TOX2: variants seen among roughly 807,000 people sequenced by gnomAD.
TOX2 encodes the protein granulosa cell HMG box 1.
TOX2 carries 15 observed loss-of-function variants against 47.4 expected under a neutral mutation model. That is an observed-to-expected ratio of 0.32 (90% CI 0.21 to 0.49). The LOEUF is 0.49. TOX2 is among the 20% of genes least tolerant of loss of function. The probability of loss-of-function intolerance (pLI) is 0.99; values close to 1 mark genes in which losing one functional copy is unlikely to be tolerated. For missense variants in TOX2, 622 were observed against 673.1 expected, an observed-to-expected ratio of 0.92 and a Z score of 0.84; for synonymous variants, 290 against 296.6, an observed-to-expected ratio of 0.98 and a Z score of 0.23.
At chr20:43,973,829 G>A (rs1284858359) in intron 2 of TOX2, among the ~76,000 whole-genome samples, 2 of 152,198 alleles carry the variant, frequency 1.3e-5, no homozygotes, top group African/African-American at 4.8e-5. Context: ...CCTTGCGTAG[G>A]CATGCATGGT....
chr20:43,957,371 T>G (rs774398054), intron 1 of TOX2, among the ~76,000 whole-genome samples: 1 of 152,256 alleles, frequency 6.6e-6, no homozygotes, highest in Non-Finnish European at 1.5e-5. Context: ...GTAGCTGTTA[T>G]AAGCGTGAGC....
intron 1 of TOX2, among the ~76,000 whole-genome samples, chr20:43,929,428 A>G (rs2069222924): frequency 6.6e-6 from 1 of 152,246 alleles, no homozygotes; most frequent in South Asian, 2.1e-4. Flanking sequence ...GTGATGAGCA[A>G]AGTCAGAGTC....
intron 1 of TOX2, among the ~76,000 whole-genome samples, chr20:43,943,443 T>C (rs2069425992): frequency 6.6e-6 from 1 of 152,186 alleles, no homozygotes; most frequent in Non-Finnish European, 1.5e-5. Context: ...CTTCTCCAAA[T>C]CTCGGCTTGA....
intron 3 of TOX2, among the ~76,000 whole-genome samples, chr20:44,034,189 TAC>T (rs1352520858): frequency 1.3e-5 from 2 of 151,924 alleles, no homozygotes; most frequent in Non-Finnish European, 2.9e-5. Context: ...TTGCTCCTGG[TAC>T]ACCCTCTGCA....
chr20:43,986,591 A>G (rs768240691), intron 2 of TOX2, among the ~76,000 whole-genome samples: 8 of 152,154 alleles, frequency 5.3e-5, no homozygotes, highest in Non-Finnish European at 8.8e-5. Flanking sequence ...TTTAAAATTT[A>G]TTAACATGGT....
At chr20:44,033,181 G>A (rs748379765) in intron 3 of TOX2, among the ~76,000 whole-genome samples, 63 of 152,240 alleles carry the variant, frequency 4.1e-4, no homozygotes, top group Non-Finnish European at 7.6e-4. Flanking sequence ...ACGAGGCTTC[G>A]GGGCCAGAGG....
chr20:43,952,089 G>T (rs1468076707), intron 1 of TOX2, among the ~76,000 whole-genome samples: 1 of 151,642 alleles, frequency 6.6e-6, no homozygotes, highest in Non-Finnish European at 1.5e-5. Flanking sequence ...TTTTAGTAGA[G>T]ATGGGGTTTC....
intron 1 of TOX2, among the ~76,000 whole-genome samples, chr20:43,945,399 G>A (rs1018743574): frequency 1.3e-5 from 2 of 152,174 alleles, no homozygotes; most frequent in Non-Finnish European, 2.9e-5. Context: ...CCTGGCTTTC[G>A]ACATTTAGCT....
intron 1 of TOX2, among the ~76,000 whole-genome samples, chr20:43,921,174 T>G (rs900420884): frequency 7.9e-5 from 12 of 152,192 alleles, no homozygotes; most frequent in Non-Finnish European, 1.3e-4. Flanking sequence ...GGACAGAGCC[T>G]GGCACACAGA....
chr20:43,916,541 G>GA lies in TOX2; in HGVS notation c.99+1552dup, dbSNP rs892341684. On this transcript the variant is annotated intron_variant, in intron 1 of 8. Coordinates refer to ENST00000341197, the MANE Select transcript of TOX2 (RefSeq NM_001098797.2). The surrounding 1 kb of genome is among the most constrained non-coding windows in gnomAD (Gnocchi z 5.0). The stretch of plus-strand genomic sequence containing the variant: ...GTGACCTGCAAAGTTAGAAGCCGAT[G>GA]AGGGGGGATGGTAGCCTCAGGAGAA... Among the ~76,000 whole-genome samples the GA allele has an allele frequency of 6.6e-6, 1 of 152,254 alleles. No homozygotes were observed. The highest frequency in any genetic ancestry group is 2.4e-5 in the African/African-American group (1 of 41,472).
At chr20:43,926,853 G>A (rs1022591202) in intron 1 of TOX2, among the ~76,000 whole-genome samples, 1 of 152,242 alleles carries the variant, frequency 6.6e-6, no homozygotes, top group South Asian at 2.1e-4. Flanking sequence ...CACGTGAGCT[G>A]TTCTCTTCTG....
chr20:43,942,622 G>C (rs8120445), intron 1 of TOX2, among the ~76,000 whole-genome samples: 1 of 152,154 alleles, frequency 6.6e-6, no homozygotes, highest in Non-Finnish European at 1.5e-5. Flanking sequence ...GGAATTCAAG[G>C]CTGCAGTAAG....
Position 44,039,138 on chromosome 20 carries a change from G to A in TOX2, c.412-12168G>A, listed in dbSNP as rs1041234199. ...ACTTGAGCAGATGCCGGGAGGCAACGTGTGGAGAGCTCTGCCAGAGGCTTG... is the reference window on the plus strand; with the variant it reads ...ACTTGAGCAGATGCCGGGAGGCAACATGTGGAGAGCTCTGCCAGAGGCTTG... On this transcript the variant is annotated intron_variant, in intron 3 of 8. Coordinates refer to ENST00000341197, the MANE Select transcript of TOX2 (RefSeq NM_001098797.2). The A allele has an allele frequency of 3.3e-5, 42 of 1,257,818 alleles. No individual in the cohort carries two copies. The East Asian group carries it at 6.7e-4, about 20-fold the overall frequency. The allele number at this position is 1,257,818 out of a possible 1,614,324, so 77.9% of individuals were successfully genotyped here. A position where few individuals can be genotyped will look rare whatever the true frequency, so the allele number is the denominator to read the frequency against.
rs758336563 is a variant in TOX2, at chr20:44,051,311, G to A, written c.417G>A (p.Gln139=). 1.4e-5 allele frequency: 23 copies of A among 1,606,656 alleles called. No individual in the cohort carries two copies. The highest frequency in any genetic ancestry group is 2.0e-5 in the Non-Finnish European group (23 of 1,174,734). The change falls in exon 4 of 9, where the codon CAG becomes CAA. Residue 139 remains glutamine (Q), a synonymous_variant. Coordinates refer to ENST00000341197, the MANE Select transcript of TOX2 (RefSeq NM_001098797.2). ...CTCCTGTCCTCCTCTCTTAGATCCAGGAGATGGTCCACTCGGAAGTGGCTG... is the reference window on the plus strand; with the variant it reads ...CTCCTGTCCTCCTCTCTTAGATCCAAGAGATGGTCCACTCGGAAGTGGCTG... The part of the protein sequence containing the change: ...HLLSGQLPTI[Q]EMVHSEVAAY...
At chr20:44,016,857 A>C (rs2070888370) in intron 3 of TOX2, among the ~76,000 whole-genome samples, 1 of 152,208 alleles carries the variant, frequency 6.6e-6, no homozygotes, top group South Asian at 2.1e-4. Context: ...CAACCATAAA[A>C]TTTAAAGGTG....
Position 44,054,372 on chromosome 20 carries a change from A to G in TOX2, c.725A>G (p.Asp242Gly). The change falls in exon 5 of 9, where the codon GAC becomes GGC. Residue 242 changes from aspartate (D) to glycine (G), a missense_variant. Transcript: ENST00000341197. ...AKNPKKKKKK[D>G]PNEPQKPVSA... is the part of the protein sequence containing the mutation. Reference sequence around the variant, plus strand: ...AACCCGAAGAAGAAGAAAAAGAAGGACCCCAATGAGCCGCAGAAGCCTGTG... The same window carrying G: ...AACCCGAAGAAGAAGAAAAAGAAGGGCCCCAATGAGCCGCAGAAGCCTGTG... 2 of 1,611,478 alleles carry G rather than the reference A, an allele frequency of 1.2e-6. No homozygotes were observed. The highest frequency in any genetic ancestry group is 1.7e-6 in the Non-Finnish European group (2 of 1,179,332).
chr20:44,007,402 A>C (rs1353785683), intron 3 of TOX2: 1 of 152,898 alleles, frequency 6.5e-6, no homozygotes, highest in Non-Finnish European at 1.5e-5. Context: ...GGGAGAGGGG[A>C]ACCACTAGGT....
chr20:44,027,460 T>G (rs1160673664), intron 3 of TOX2, among the ~76,000 whole-genome samples: 1 of 152,168 alleles, frequency 6.6e-6, no homozygotes, highest in Non-Finnish European at 1.5e-5. Flanking sequence ...CATCCCAGCT[T>G]AGGCCTCTCC....
At chr20:43,987,125 C>T (rs567483953) in intron 2 of TOX2, among the ~76,000 whole-genome samples, 5 of 152,232 alleles carry the variant, frequency 3.3e-5, no homozygotes, top group African/African-American at 4.8e-5. Flanking sequence ...TCCAAATGCC[C>T]ATCAAGAGTA....
Sources: gnomAD v4.1 joint callset for allele counts (sites outside exome capture counted in the v4.1 genomes callset) on GRCh38, gnomAD v4.1.1 for gene constraint, Gnocchi (gnomAD v3.1) non-coding constraint, MANE v1.5 for transcripts, NCBI Gene and HGNC (gene_info 2026-07-23, HGNC 2026-07-21) for gene names.